ZNF793: variants seen among roughly 807,000 people sequenced by gnomAD.
ZNF793 encodes zinc finger protein 793.
In ZNF793, 5 loss-of-function variants were observed where a neutral mutation model predicts 12.4. The ratio of observed to expected loss-of-function variants is 0.40; its 90% confidence interval spans 0.21 to 0.84. The LOEUF (loss-of-function observed/expected upper bound fraction) is 0.84. ZNF793 is among the 40% of genes least tolerant of loss of function. ZNF793 has a pLI of 0.35. For missense variants in ZNF793, 456 were observed against 495.0 expected, an observed-to-expected ratio of 0.92 and a Z score of 0.75; for synonymous variants, 162 against 172.4, an observed-to-expected ratio of 0.94 and a Z score of 0.47.
intron 5 of ZNF793, among the ~76,000 whole-genome samples, chr19:37,526,469 T>G (rs1385658441): frequency 6.6e-6 from 1 of 152,170 alleles, no homozygotes; most frequent in African/African-American, 2.4e-5. Context: ...TGGCATGGCT[T>G]CCTGGGTGCA....
chr19:37,539,373 G>A lies in ZNF793; in HGVS notation c.*1494G>A, dbSNP rs1004167904. On this transcript the variant is annotated 3_prime_UTR_variant, in exon 8 of 8. Transcript: ENST00000627814. Reference sequence around the variant, plus strand: ...AGAAATGTTTCATGCGTAGACCACTGAAGGAGAATTTCTTTTCTCTCTATC... The same window carrying A: ...AGAAATGTTTCATGCGTAGACCACTAAAGGAGAATTTCTTTTCTCTCTATC... 12 of 152,158 alleles carry A rather than the reference G, an allele frequency of 7.9e-5. No homozygotes were observed. Among genetic ancestry groups the A allele is most frequent in the African/African-American group, 2.9e-4 (12 of 41,442 alleles). 9.4% of individuals were successfully genotyped at this position (152,158 alleles called of 1,614,324 possible).
At chr19:37,524,136 G>T (rs867790694) in intron 5 of ZNF793, among the ~76,000 whole-genome samples, 1 of 144,742 alleles carries the variant, frequency 6.9e-6, no homozygotes, top group Admixed American at 7.1e-5. Flanking sequence ...GGCAACAAGA[G>T]CAAAACTCCA....
At chr19:37,525,195 G>A (rs1389917812) in intron 5 of ZNF793, among the ~76,000 whole-genome samples, 1 of 151,296 alleles carries the variant, frequency 6.6e-6, no homozygotes, top group Non-Finnish European at 1.5e-5. Flanking sequence ...CTGGAGTGCA[G>A]TGGTGCAATC....
At chr19:37,536,575 CG>C (rs2042506395) in intron 7 of ZNF793, 1 of 410,130 alleles carries the variant, frequency 2.4e-6, no homozygotes, top group East Asian at 3.5e-5. Flanking sequence ...CATGGTATGG[CG>C]GGAGAGTTGA....
At chr19:37,511,779 C>A (rs1339812371) in intron 2 of ZNF793, among the ~76,000 whole-genome samples, 2 of 152,096 alleles carry the variant, frequency 1.3e-5, no homozygotes, top group African/African-American at 4.8e-5. Flanking sequence ...TGAACTAGAC[C>A]CTGAGGTTTT....
chr19:37,531,113 ACTT>A (rs1486088970), intron 5 of ZNF793, among the ~76,000 whole-genome samples: 2 of 151,934 alleles, frequency 1.3e-5, no homozygotes, highest in Admixed American at 6.6e-5. Flanking sequence ...TTCTGCATAC[ACTT>A]CTTCTTGGAT....
rs758872589 is a variant in ZNF793 at position 37,532,426 on chromosome 19, A to G, written c.86A>G (p.Gln29Arg). The change falls in exon 6 of 8, where the codon CAG becomes CGG. Residue 29 changes from glutamine to arginine, a missense_variant. Transcript: ENST00000627814. Reference sequence around the variant, plus strand: ...GAGTGGCACCGGCTGAGTCCTGCTCAGAGGGCCCTGTACCGGGATGTGATG... The same window carrying G: ...GAGTGGCACCGGCTGAGTCCTGCTCGGAGGGCCCTGTACCGGGATGTGATG... ...QEEWHRLSPA[Q>R]RALYRDVMLE... The G allele has an allele frequency of 3.5e-5, 56 of 1,613,892 alleles. No individual in the cohort carries two copies. The Middle Eastern group carries it at 6.6e-4, about 19-fold the overall frequency.
chr19:37,532,014 A>ATTTTT (rs560896331), intron 5 of ZNF793, among the ~76,000 whole-genome samples: 1 of 141,370 alleles, frequency 7.1e-6, no homozygotes. Context: ...TCTTGCACAA[A>ATTTTT]ATTTTTTTTT....
rs913907642 is a variant in ZNF793 at position 37,542,545 on chromosome 19, A to G, written c.*4666A>G. Reference sequence around the variant, plus strand: ...TGTAAAAATTGTTCTTAATGGCAAAAAAACCCCCAAAACCAAAGCAAACAC... The same window carrying G: ...TGTAAAAATTGTTCTTAATGGCAAAGAAACCCCCAAAACCAAAGCAAACAC... On this transcript the variant is annotated 3_prime_UTR_variant, in exon 8 of 8. Transcript: ENST00000627814. The G allele has an allele frequency of 2.9e-6, 1 of 344,746 alleles. No homozygotes were observed. The highest frequency in any genetic ancestry group is 5.8e-6 in the Non-Finnish European group (1 of 172,118). The allele number at this position is 344,746 out of a possible 1,614,324, so 21.4% of individuals were successfully genotyped here. A position where few individuals can be genotyped will look rare whatever the true frequency, so the allele number is the denominator to read the frequency against.
chr19:37,512,763 A>C (rs2042303737), intron 2 of ZNF793, among the ~76,000 whole-genome samples: 1 of 152,156 alleles, frequency 6.6e-6, no homozygotes. Flanking sequence ...TTAACATTGA[A>C]ATATTATTAT....
intron 5 of ZNF793, among the ~76,000 whole-genome samples, chr19:37,530,649 A>G (rs1486407737): frequency 6.6e-6 from 1 of 152,186 alleles, no homozygotes; most frequent in African/African-American, 2.4e-5. Flanking sequence ...GGGTGGGGTT[A>G]TAGATTAACA....
chr19:37,514,599 TAG>T (rs2147063193), intron 2 of ZNF793, among the ~76,000 whole-genome samples: 1 of 151,518 alleles, frequency 6.6e-6, no homozygotes, highest in Admixed American at 6.6e-5. Flanking sequence ...GATAGATAGA[TAG>T]ATAGATAGAT....
At chr19:37,515,374 C>T (rs944443431) in intron 2 of ZNF793, among the ~76,000 whole-genome samples, 2 of 151,266 alleles carry the variant, frequency 1.3e-5, no homozygotes, top group Non-Finnish European at 1.5e-5. Flanking sequence ...GTGGCGCAAT[C>T]TCAGCTCACT....
chr19:37,526,944 CT>C (rs531716976), intron 5 of ZNF793, among the ~76,000 whole-genome samples: 114 of 152,226 alleles, frequency 7.5e-4, no homozygotes, highest in African/African-American at 2.6e-3. Context: ...AATTGTTTTC[CT>C]TTCTTTTTTT....
rs1380029815 is a variant in ZNF793, at chr19:37,539,919, G to T, written c.*2040G>T. 1 of 152,144 alleles carries T rather than the reference G, an allele frequency of 6.6e-6. No homozygotes were observed. The highest frequency in any genetic ancestry group is 2.4e-5 in the African/African-American group (1 of 41,414). The allele number at this position is 152,144 out of a possible 1,614,324, so 9.4% of individuals were successfully genotyped here. ...ATTATATGGATGTAATACAATCCATGAACTGTACTCATTTATTTTATTAAG... is the reference window on the plus strand; with the variant it reads ...ATTATATGGATGTAATACAATCCATTAACTGTACTCATTTATTTTATTAAG... On this transcript the variant is annotated 3_prime_UTR_variant, in exon 8 of 8. Coordinates refer to ENST00000627814, the MANE Select transcript of ZNF793 (RefSeq NM_001013659.3).
In ZNF793 at chr19:37,537,857, T is replaced by G; in HGVS notation, c.1199T>G (p.Leu400Ter). The G allele has an allele frequency of 6.3e-7, 1 of 1,594,398 alleles. No individual in the cohort carries two copies. Among genetic ancestry groups the G allele is most frequent in the Non-Finnish European group, 8.6e-7 (1 of 1,167,668 alleles). Residue 400 changes from leucine to a stop codon, truncating the protein, a stop_gained, in exon 8 of 8, where the codon TTA becomes TGA. Coordinates refer to ENST00000627814, the MANE Select transcript of ZNF793 (RefSeq NM_001013659.3). LOFTEE classifies it high-confidence loss of function. Reference sequence around the variant, plus strand: ...AAGAATGCCTACAGGAATGAAAACTTAATAATTGTGGGAAATACTTGAGCA... The same window carrying G: ...AAGAATGCCTACAGGAATGAAAACTGAATAATTGTGGGAAATACTTGAGCA... ...ARKNAYRNEN[L>*]IIVGNT
chr19:37,518,911 A>G (rs531204473), intron 2 of ZNF793, among the ~76,000 whole-genome samples: 2 of 152,274 alleles, frequency 1.3e-5, no homozygotes, highest in South Asian at 4.1e-4. Context: ...TAGCGAGACT[A>G]ATTAGTTCCT....
chr19:37,519,916 G>T (rs1390406687), intron 2 of ZNF793, among the ~76,000 whole-genome samples: 1 of 152,228 alleles, frequency 6.6e-6, no homozygotes, highest in Non-Finnish European at 1.5e-5. Context: ...GAGGAAACAG[G>T]CCTAGAGAGG....
rs972086033 is a variant in ZNF793, at chr19:37,536,816, T to C, written c.239-81T>C. ...TTATGGTTCATGTTCTCTATTTGTG[T>C]GCTGTGCACTCTTTAAATTTTGAGA... On this transcript the variant is annotated intron_variant, in intron 7 of 7. Coordinates refer to ENST00000627814, the MANE Select transcript of ZNF793 (RefSeq NM_001013659.3). The C allele has an allele frequency of 5.0e-6, 7 of 1,413,548 alleles. No individual in the cohort carries two copies. In the African/African-American group the frequency reaches 8.7e-5, roughly 18 times the overall value. 87.6% of individuals were successfully genotyped at this position (1,413,548 alleles called of 1,614,324 possible).
Sources: gnomAD v4.1 joint callset for allele counts (sites outside exome capture counted in the v4.1 genomes callset) on GRCh38, gnomAD v4.1.1 for gene constraint, MANE v1.5 for transcripts, NCBI Gene and HGNC (gene_info 2026-07-23, HGNC 2026-07-21) for gene names.